Variants in PIK3CB observed in about 807,000 individuals in gnomAD.
PIK3CB encodes the protein phosphatidylinositol 4,5-bisphosphate 3-kinase catalytic subunit beta isoform.
PIK3CB carries 39 observed loss-of-function variants against 136.8 expected under a neutral mutation model. The ratio of observed to expected loss-of-function variants is 0.29; its 90% CI spans 0.22 to 0.37. PIK3CB has a LOEUF of 0.37. Ranked by LOEUF, PIK3CB falls within the 10% of genes least tolerant of loss-of-function variation. PIK3CB has a pLI of 1.00. For missense variants in PIK3CB, 868 were observed against 1,275.4 expected (o/e 0.68, Z 4.87); for synonymous variants, 428 against 436.6 (o/e 0.98, Z 0.25).
chr3:138,752,672 A>G (rs9821256), intron 4 of PIK3CB, among the ~76,000 whole-genome samples: 2,938 of 151,724 alleles, frequency 0.019, 39 homozygotes, highest in Non-Finnish European at 0.031. Context: ...AGGCGCCACT[A>G]TGCTCCAGAG....
At position 138,775,488 on chromosome 3, in the gene PIK3CB, C is replaced by T. The variant is rs78200873; in HGVS notation, c.-16-16129G>A. On this transcript the variant is annotated intron_variant, in intron 2 of 23. Transcript: ENST00000674063. Reference sequence around the variant, plus strand: ...TGATTGCAGTGTTTTTTACCTCGACCTCCCAGAGCCTCAACCAGAAGGGAT... The same window carrying T: ...TGATTGCAGTGTTTTTTACCTCGACTTCCCAGAGCCTCAACCAGAAGGGAT... Among the ~76,000 whole-genome samples the T allele has an allele frequency of 2.8e-3, 420 of 152,196 alleles. 2 individuals carry two copies. Among genetic ancestry groups the T allele is most frequent in the Non-Finnish European group, 4.5e-3 (305 of 68,016 alleles).
chr3:138,676,233 C>T (rs554828050), intron 19 of PIK3CB, among the ~76,000 whole-genome samples: 1 of 152,244 alleles, frequency 6.6e-6, no homozygotes, highest in South Asian at 2.1e-4. Flanking sequence ...CAACATTAGT[C>T]ATTGGGAAAA....
chr3:138,772,437 A>G (rs910528020), intron 2 of PIK3CB, among the ~76,000 whole-genome samples: 1 of 151,960 alleles, frequency 6.6e-6, no homozygotes, highest in African/African-American at 2.4e-5. Flanking sequence ...TTTATTCTGT[A>G]TTTTTAAAAA....
intron 10 of PIK3CB, among the ~76,000 whole-genome samples, chr3:138,709,484 C>T (rs1057046337): frequency 6.6e-6 from 1 of 151,876 alleles, no homozygotes; most frequent in Non-Finnish European, 1.5e-5. Context: ...ATTTCCTAGT[C>T]CACATAAAAA....
At chr3:138,694,725 C>T (rs2108516871) in intron 14 of PIK3CB, 61 bp downstream of exon 14, 2 of 1,567,144 alleles carry the variant, frequency 1.3e-6, no homozygotes, top group Admixed American at 1.8e-5. Context: ...AAGGAGACAC[C>T]CTCATCCCAA....
chr3:138,834,068 ATT>A (rs1934162948), intron 1 of PIK3CB, among the ~76,000 whole-genome samples: 1 of 152,244 alleles, frequency 6.6e-6, no homozygotes, highest in African/African-American at 2.4e-5. Context: ...GCAGCCAGGA[ATT>A]AGCAATAGCT....
rs2044380768 is a variant in PIK3CB at position 138,706,506 on chromosome 3, A to G, written c.1530+653T>C. Among the ~76,000 whole-genome samples, 3 of 152,248 alleles carry G rather than the reference A, an allele frequency of 2.0e-5. No homozygotes were observed. The South Asian group carries it at 6.2e-4, about 31-fold the overall frequency. ...GAGTATCAATTCTAATACAGCAGTGACTATACCTTTAATATTTGAAACAAC... is the reference window on the plus strand; with the variant it reads ...GAGTATCAATTCTAATACAGCAGTGGCTATACCTTTAATATTTGAAACAAC... On this transcript the variant is annotated intron_variant, in intron 11 of 23. Coordinates refer to ENST00000674063, the MANE Select transcript of PIK3CB (RefSeq NM_006219.3).
chr3:138,679,017 G>T (rs1482166382), intron 19 of PIK3CB, among the ~76,000 whole-genome samples: 1 of 152,070 alleles, frequency 6.6e-6, no homozygotes, highest in Non-Finnish European at 1.5e-5. Context: ...AGTGAGCTGA[G>T]ATCCTGCCAC....
chr3:138,770,926 AG>A (rs1382210585), intron 2 of PIK3CB, among the ~76,000 whole-genome samples: 3 of 151,748 alleles, frequency 2.0e-5, no homozygotes, highest in Non-Finnish European at 2.9e-5. Flanking sequence ...TGGCCAGGCT[AG>A]TCTTGAACTC....
chr3:138,693,720 A>G (rs1269432441), intron 14 of PIK3CB, among the ~76,000 whole-genome samples: 2 of 151,876 alleles, frequency 1.3e-5, no homozygotes, highest in African/African-American at 2.4e-5. Flanking sequence ...ATTTTTAAAA[A>G]GCATGATATA....
chr3:138,823,076 C>T (rs1272011444), intron 1 of PIK3CB, among the ~76,000 whole-genome samples: 1 of 150,396 alleles, frequency 6.6e-6, no homozygotes, highest in Non-Finnish European at 1.5e-5. Context: ...CATTTTTTTT[C>T]AGATAACACA....
At chr3:138,663,295 A>G (rs1286222762) in intron 21 of PIK3CB, among the ~76,000 whole-genome samples, 6 of 152,220 alleles carry the variant, frequency 3.9e-5, no homozygotes, top group Non-Finnish European at 7.3e-5. Flanking sequence ...CATCCAGTAC[A>G]TTATCCGCTC....
intron 12 of PIK3CB, among the ~76,000 whole-genome samples, chr3:138,703,412 C>T (rs2044294501): frequency 6.6e-6 from 1 of 152,098 alleles, no homozygotes; most frequent in East Asian, 1.9e-4. Flanking sequence ...ATAACACTGC[C>T]ATGCTACAGG....
intron 12 of PIK3CB, among the ~76,000 whole-genome samples, chr3:138,702,579 C>G (rs758742851): frequency 5.9e-5 from 9 of 152,090 alleles, no homozygotes; most frequent in Non-Finnish European, 1.3e-4. Flanking sequence ...GGTAATGAGA[C>G]AGGCACTTGA....
intron 1 of PIK3CB, among the ~76,000 whole-genome samples, chr3:138,799,869 G>A (rs1408006156): frequency 6.6e-6 from 1 of 151,836 alleles, no homozygotes; most frequent in Non-Finnish European, 1.5e-5. Flanking sequence ...TGCAGAGACA[G>A]GGTTTTGCCA....
intron 6 of PIK3CB, among the ~76,000 whole-genome samples, chr3:138,736,102 A>C (rs1264097279): frequency 6.6e-6 from 1 of 152,176 alleles, no homozygotes; most frequent in Non-Finnish European, 1.5e-5. Context: ...GGTAAAAAGA[A>C]ATGTTAAATT....
chr3:138,759,837 T>C (rs1346540137), intron 2 of PIK3CB, among the ~76,000 whole-genome samples: 2 of 152,178 alleles, frequency 1.3e-5, no homozygotes, highest in African/African-American at 2.4e-5. Flanking sequence ...AGTTTTTCTC[T>C]GCAAATTCCA....
Position 138,759,404 on chromosome 3 carries a change from AT to A in PIK3CB, c.-16-46del, listed in dbSNP as rs1576396564. 5.3e-6 allele frequency: 7 copies of A among 1,329,716 alleles called. No homozygotes were observed. In the East Asian group the frequency reaches 1.6e-4, roughly 31 times the overall value. 82.4% of individuals were successfully genotyped at this position (1,329,716 alleles called of 1,614,324 possible). A position where few individuals can be genotyped will look rare whatever the true frequency, so the allele number is the denominator to read the frequency against. On this transcript the variant is annotated intron_variant, in intron 2 of 23. Transcript: ENST00000674063. ...ACATAGCAAAACAACCATCAGCCAA[AT>A]TTTATACCAAGATATGATAAAGACC...
rs550669201 is a variant in PIK3CB at position 138,708,737 on chromosome 3, G to A, written c.1400-1448C>T. ...GGACTACAGGCACACACACACCACT[G>A]CACCTGGCTCAATTCTAATAATTTA... On this transcript the variant is annotated intron_variant, in intron 10 of 23. Transcript: ENST00000674063. Among the ~76,000 whole-genome samples, 6 of 151,714 alleles carry A rather than the reference G, an allele frequency of 4.0e-5. No homozygotes were observed. In the East Asian group the frequency reaches 1.2e-3, roughly 29 times the overall value.
Sources: allele counts gnomAD v4.1 joint callset (sites outside exome capture counted in the v4.1 genomes callset), GRCh38; gene constraint gnomAD v4.1.1; transcripts MANE v1.5; gene names NCBI Gene and HGNC (gene_info 2026-07-23, HGNC 2026-07-21).